CORO1C: variants seen among roughly 807,000 people sequenced by gnomAD.
CORO1C encodes the protein coronin-1C.
Under a neutral mutation model 51.2 loss-of-function variants are expected in CORO1C, and 14 were observed. The ratio of observed to expected loss-of-function variants is 0.27; its 90% confidence interval spans 0.18 to 0.43. The LOEUF (loss-of-function observed/expected upper bound fraction) is 0.43. CORO1C is among the 20% of genes least tolerant of loss of function. The probability of loss-of-function intolerance (pLI) is 1.00; values close to 1 mark genes in which losing one functional copy is unlikely to be tolerated. For synonymous variants in CORO1C, 181 were observed against 210.5 expected (o/e 0.86, Z 1.21); for missense variants, 417 against 607.8 (o/e 0.69, Z 3.30).
intron 6 of CORO1C, among the ~76,000 whole-genome samples, chr12:108,656,496 C>A (rs1337953864): frequency 6.6e-6 from 1 of 152,036 alleles, no homozygotes; most frequent in Non-Finnish European, 1.5e-5. Flanking sequence ...CCCTGCCGCC[C>A]CTTCTGGGAA....
chr12:108,672,876 A>G (rs1029135477), intron 3 of CORO1C, among the ~76,000 whole-genome samples: 1 of 152,150 alleles, frequency 6.6e-6, no homozygotes, highest in Non-Finnish European at 1.5e-5. Flanking sequence ...CACTCATATA[A>G]GACAGTGAAC....
intron 2 of CORO1C, among the ~76,000 whole-genome samples, chr12:108,689,301 C>A (rs1211451257): frequency 6.6e-6 from 1 of 152,208 alleles, no homozygotes; most frequent in Non-Finnish European, 1.5e-5. Context: ...ACCCAGCAGG[C>A]CTACTCTTTC....
At chr12:108,699,360 A>T (rs887710077) in intron 2 of CORO1C, among the ~76,000 whole-genome samples, 30 of 152,314 alleles carry the variant, frequency 2.0e-4, no homozygotes, top group African/African-American at 6.0e-4. Flanking sequence ...TTGAAAGGAA[A>T]TGTCTGAATT....
Position 108,652,350 on chromosome 12 carries a change from A to C in CORO1C, c.923T>G (p.Phe308Cys). 6.2e-7 allele frequency: 1 copy of C among 1,613,860 alleles called. No individual in the cohort carries two copies. The highest frequency in any genetic ancestry group is 1.1e-5 in the South Asian group (1 of 91,064). ...ESPYVHYLNT[F>C]SSKEPQRGMG... ...CCCTCTCTGAGGCTCCTTGCTGCTGAATGTGTTGAGGTAGTGGACGTACGG... is the reference window on the plus strand; with the variant it reads ...CCCTCTCTGAGGCTCCTTGCTGCTGCATGTGTTGAGGTAGTGGACGTACGG... Residue 308 changes from phenylalanine to cysteine, a missense_variant, in exon 8 of 11, where the codon TTC becomes TGC. Coordinates refer to ENST00000261401, the MANE Select transcript of CORO1C (RefSeq NM_014325.4).
At chr12:108,661,106 G>A (rs947131725) in intron 4 of CORO1C, among the ~76,000 whole-genome samples, 9 of 152,138 alleles carry the variant, frequency 5.9e-5, no homozygotes, top group Admixed American at 5.9e-4. Context: ...TATTTGCTAA[G>A]TTTCAACAAA....
At chr12:108,699,659 C>G (rs1415738437) in intron 2 of CORO1C, among the ~76,000 whole-genome samples, 2 of 152,162 alleles carry the variant, frequency 1.3e-5, no homozygotes, top group Non-Finnish European at 2.9e-5. Context: ...AGACCAAATG[C>G]AACTGGCCTT....
intron 3 of CORO1C, among the ~76,000 whole-genome samples, chr12:108,672,652 G>GT (rs1237022183): frequency 2.0e-5 from 3 of 149,166 alleles, no homozygotes; most frequent in African/African-American, 7.3e-5. Flanking sequence ...TGGTGTTTTT[G>GT]TTTTGTTTTT....
intron 2 of CORO1C, among the ~76,000 whole-genome samples, chr12:108,692,356 G>C (rs1332750452): frequency 6.6e-6 from 1 of 152,242 alleles, no homozygotes; most frequent in Non-Finnish European, 1.5e-5. Context: ...GTCCACATCT[G>C]TACAAAGGGC....
At chr12:108,680,612 G>T (rs927695806) in intron 2 of CORO1C, among the ~76,000 whole-genome samples, 10 of 152,080 alleles carry the variant, frequency 6.6e-5, no homozygotes, top group Non-Finnish European at 1.0e-4. Flanking sequence ...TATAAAACTA[G>T]AATGTTTAAC....
At position 108,646,822 on chromosome 12, in the gene CORO1C, T is replaced by G. The variant is rs2136787928; in HGVS notation, c.*581A>C. The G allele has an allele frequency of 6.5e-6, 1 of 152,780 alleles. No individual in the cohort carries two copies. The highest frequency in any genetic ancestry group is 1.5e-5 in the Non-Finnish European group (1 of 68,060). 9.5% of individuals were successfully genotyped at this position (152,780 alleles called of 1,614,324 possible). ...GAGCCAGCACCATGTGGCTACTGCT[T>G]TGATTGTTCTCAGATGAATGTTTAT... On this transcript the variant is annotated 3_prime_UTR_variant, in exon 11 of 11. Coordinates refer to ENST00000261401, the MANE Select transcript of CORO1C (RefSeq NM_014325.4).
At chr12:108,665,823 TTCAG>T (rs1248686218) in intron 3 of CORO1C, among the ~76,000 whole-genome samples, 1 of 152,240 alleles carries the variant, frequency 6.6e-6, no homozygotes, top group African/African-American at 2.4e-5. Context: ...GAATTCCTGA[TTCAG>T]TCACATAGTG....
At chr12:108,679,188 A>G (rs540885443) in intron 2 of CORO1C, among the ~76,000 whole-genome samples, 1 of 148,372 alleles carries the variant, frequency 6.7e-6, no homozygotes, top group East Asian at 1.9e-4. Flanking sequence ...AAAAAAAAAG[A>G]AAAGCTTTAG....
rs1209202076 is a variant in CORO1C, at chr12:108,645,271, A to C, written c.*2132T>G. The C allele has an allele frequency of 6.6e-6, 1 of 151,244 alleles. No homozygotes were observed. The highest frequency in any genetic ancestry group is 1.5e-5 in the Non-Finnish European group (1 of 67,938). The allele number at this position is 151,244 out of a possible 1,614,324, so 9.4% of individuals were successfully genotyped here. ...AAAAGACAAAACAGGAAAATAATCCACAATGCTTTGGGCGCCTACTCTGAG... is the reference window on the plus strand; with the variant it reads ...AAAAGACAAAACAGGAAAATAATCCCCAATGCTTTGGGCGCCTACTCTGAG... On this transcript the variant is annotated 3_prime_UTR_variant, in exon 11 of 11. Coordinates refer to ENST00000261401, the MANE Select transcript of CORO1C (RefSeq NM_014325.4).
Position 108,648,587 on chromosome 12 carries a change from C to T in CORO1C, c.1305+18G>A. The T allele has an allele frequency of 1.2e-6, 2 of 1,613,978 alleles. No individual in the cohort carries two copies. The highest frequency in any genetic ancestry group is 1.7e-6 in the Non-Finnish European group (2 of 1,179,974). ...AGCCTGAACCAGCCAAGCACCCCTG[C>T]ACTCCACTGGTCCTCACCACACTGG... On this transcript the variant is annotated intron_variant, in intron 10 of 10. Coordinates refer to ENST00000261401, the MANE Select transcript of CORO1C (RefSeq NM_014325.4).
chr12:108,678,189 T>C (rs1042400430), intron 3 of CORO1C, 83 bp downstream of exon 3: 2 of 1,327,226 alleles, frequency 1.5e-6, no homozygotes, highest in East Asian at 2.5e-5. Context: ...CCTCTATACA[T>C]ACACACACAC....
intron 9 of CORO1C, 40 bp from the exon 10 acceptor site, chr12:108,648,890 A>C (rs1406096375): frequency 2.5e-6 from 4 of 1,612,102 alleles, no homozygotes; most frequent in Non-Finnish European, 3.4e-6. Flanking sequence ...AGGAAGAAGA[A>C]AGGCCTGGGA....
At chr12:108,682,611 A>T (rs970255026) in intron 2 of CORO1C, among the ~76,000 whole-genome samples, 4 of 152,216 alleles carry the variant, frequency 2.6e-5, no homozygotes, top group African/African-American at 9.6e-5. Flanking sequence ...CAAAGATTTA[A>T]GAAATTAAAC....
In CORO1C at chr12:108,645,790, G is replaced by C. The variant is rs2032329748; in HGVS notation, c.*1613C>G. On this transcript the variant is annotated 3_prime_UTR_variant, in exon 11 of 11. Coordinates refer to ENST00000261401, the MANE Select transcript of CORO1C (RefSeq NM_014325.4). ...CCCATGCCCACACCAGCACGAGCAT[G>C]TGCAAGAATTCCCTTCGTGGTCCCA... 6.6e-6 allele frequency: 1 copy of C among 152,280 alleles called. No homozygotes were observed. Among genetic ancestry groups the C allele is most frequent in the Admixed American group, 6.5e-5 (1 of 15,282 alleles). The allele number at this position is 152,280 out of a possible 1,614,324, so 9.4% of individuals were successfully genotyped here.
intron 1 of CORO1C, among the ~76,000 whole-genome samples, chr12:108,706,980 TAATC>T (rs1431009089): frequency 2.6e-5 from 4 of 152,076 alleles, no homozygotes; most frequent in South Asian, 2.1e-4. Flanking sequence ...GAAATAAACT[TAATC>T]AAGGAGATGA....
Sources: allele counts gnomAD v4.1 joint callset (sites outside exome capture counted in the v4.1 genomes callset), GRCh38; gene constraint gnomAD v4.1.1; transcripts MANE v1.5; gene names NCBI Gene and HGNC (gene_info 2026-07-23, HGNC 2026-07-21).